HCN1: variants seen among roughly 807,000 people sequenced by gnomAD.
HCN1 encodes the protein potassium/sodium hyperpolarization-activated cyclic nucleotide-gated channel 1.
In HCN1, 13 loss-of-function variants were observed where a neutral mutation model predicts 78.9. That is an observed-to-expected ratio of 0.16 (90% CI 0.11 to 0.26). The LOEUF (loss-of-function observed/expected upper bound fraction) is 0.26, where lower values mean the gene tolerates loss of function less well. HCN1 is among the 10% of genes least tolerant of loss of function. The pLI is 1.00. For missense variants in HCN1, 810 were observed against 1,154.3 expected, an observed-to-expected ratio of 0.70 and a Z score of 4.32; for synonymous variants, 552 against 455.5, an observed-to-expected ratio of 1.21 and a Z score of -2.70.
intron 2 of HCN1, among the ~76,000 whole-genome samples, chr5:45,610,624 C>T (rs1201672915): frequency 6.7e-6 from 1 of 149,462 alleles, no homozygotes; most frequent in Non-Finnish European, 1.5e-5. Flanking sequence ...AAATATTTTT[C>T]TTAATTATTA....
At chr5:45,331,756 T>C (rs1237625695) in intron 5 of HCN1, among the ~76,000 whole-genome samples, 1 of 151,432 alleles carries the variant, frequency 6.6e-6, no homozygotes, top group Non-Finnish European at 1.5e-5. Flanking sequence ...ACACGTGATA[T>C]GCTGTTCTAC....
intron 2 of HCN1, among the ~76,000 whole-genome samples, chr5:45,504,386 T>A (rs1452300519): frequency 6.6e-6 from 1 of 152,168 alleles, no homozygotes; most frequent in Non-Finnish European, 1.5e-5. Context: ...TTGCTGAGAA[T>A]GATGGTTTCC....
intron 2 of HCN1, among the ~76,000 whole-genome samples, chr5:45,608,357 ATGTGTGTGTG>A (rs397970171): frequency 7.8e-5 from 11 of 140,410 alleles, no homozygotes; most frequent in African/African-American, 2.4e-4. Context: ...GGATGGGTGT[ATGTGTGTGTG>A]TGTGTGTGTG....
intron 2 of HCN1, among the ~76,000 whole-genome samples, chr5:45,493,512 C>G (rs1462281761): frequency 6.6e-6 from 1 of 151,582 alleles, no homozygotes; most frequent in African/African-American, 2.4e-5. Flanking sequence ...ATTTTAAGTT[C>G]CTTTTTGTGT....
intron 2 of HCN1, among the ~76,000 whole-genome samples, chr5:45,561,529 C>T (rs1026259891): frequency 6.6e-6 from 1 of 151,404 alleles, no homozygotes; most frequent in Non-Finnish European, 1.5e-5. Flanking sequence ...GATAAAATAC[C>T]TAATTTTATA....
At chr5:45,346,348 C>G (rs1475725386) in intron 5 of HCN1, among the ~76,000 whole-genome samples, 1 of 152,068 alleles carries the variant, frequency 6.6e-6, no homozygotes, top group African/African-American at 2.4e-5. Context: ...AAGGAGAGGG[C>G]AAAGAAGTGT....
intron 2 of HCN1, among the ~76,000 whole-genome samples, chr5:45,593,458 A>C (rs1479866449): frequency 6.6e-6 from 1 of 151,830 alleles, no homozygotes; most frequent in African/African-American, 2.4e-5. Context: ...GGTAGGCCAT[A>C]TTTAGCAAGA....
At chr5:45,328,205 T>A (rs1746273832) in intron 5 of HCN1, among the ~76,000 whole-genome samples, 1 of 151,696 alleles carries the variant, frequency 6.6e-6, no homozygotes, top group Non-Finnish European at 1.5e-5. Flanking sequence ...TAAGCACTTA[T>A]CATGATTGTG....
chr5:45,322,590 T>C (rs756996514), intron 5 of HCN1, among the ~76,000 whole-genome samples: 4 of 151,868 alleles, frequency 2.6e-5, no homozygotes, highest in East Asian at 1.9e-4. Flanking sequence ...ATGTTTCATA[T>C]ATACTTCAAA....
At chr5:45,309,347 A>T (rs886462417) in intron 5 of HCN1, among the ~76,000 whole-genome samples, 7 of 152,084 alleles carry the variant, frequency 4.6e-5, no homozygotes, top group African/African-American at 1.4e-4. Flanking sequence ...TCTTATTTGG[A>T]TGCCCTTTAT....
At chr5:45,352,690 T>A (rs1172988463) in intron 5 of HCN1, among the ~76,000 whole-genome samples, 2 of 151,812 alleles carry the variant, frequency 1.3e-5, no homozygotes, top group Non-Finnish European at 2.9e-5. Context: ...TTGAATGAGA[T>A]AATAGGAAAT....
chr5:45,540,482 C>T (rs896106252), intron 2 of HCN1, among the ~76,000 whole-genome samples: 1 of 151,960 alleles, frequency 6.6e-6, no homozygotes, highest in African/African-American at 2.4e-5. Flanking sequence ...GCACACAACA[C>T]CATGCCTGGC....
intron 2 of HCN1, among the ~76,000 whole-genome samples, chr5:45,501,523 C>T (rs1417150497): frequency 6.6e-6 from 1 of 152,026 alleles, no homozygotes; most frequent in Non-Finnish European, 1.5e-5. Context: ...CAACCTCTGC[C>T]TCCCATGTTC....
chr5:45,669,093 A>C (rs1746103932), intron 1 of HCN1, among the ~76,000 whole-genome samples: 1 of 151,892 alleles, frequency 6.6e-6, no homozygotes, highest in South Asian at 2.1e-4. Flanking sequence ...GTGAACCCAG[A>C]AAAGTTCCAA....
At chr5:45,643,938 G>T (rs1745500829) in intron 2 of HCN1, 2 of 152,104 alleles carry the variant, frequency 1.3e-5, no homozygotes, top group Non-Finnish European at 2.9e-5. Flanking sequence ...AGATGAATCT[G>T]ATTTCTCAAA....
chr5:45,311,476 G>A (rs191727803), intron 5 of HCN1, among the ~76,000 whole-genome samples: 221 of 152,174 alleles, frequency 1.5e-3, no homozygotes, highest in African/African-American at 4.0e-3. Context: ...GATAATTTTT[G>A]CTAATATTTT....
intron 6 of HCN1, among the ~76,000 whole-genome samples, chr5:45,280,750 C>T (rs1745140984): frequency 6.6e-6 from 1 of 152,158 alleles, no homozygotes; most frequent in Non-Finnish European, 1.5e-5. Context: ...TTTTAGATAT[C>T]AAAGCATCTA....
At chr5:45,446,041 T>C (rs549749824) in intron 3 of HCN1, among the ~76,000 whole-genome samples, 8 of 152,302 alleles carry the variant, frequency 5.3e-5, no homozygotes, top group Admixed American at 1.3e-4. Context: ...GGACAGAGAA[T>C]GACTTTGACG....
chr5:45,618,257 G>A (rs1744993716), intron 2 of HCN1, among the ~76,000 whole-genome samples: 2 of 152,036 alleles, frequency 1.3e-5, no homozygotes, highest in Admixed American at 6.6e-5. Context: ...TGTGTGTTGT[G>A]GTGAGGGGTG....
Sources: allele counts gnomAD v4.1 joint callset (sites outside exome capture counted in the v4.1 genomes callset), GRCh38; gene constraint gnomAD v4.1.1; transcripts MANE v1.5; gene names NCBI Gene and HGNC (gene_info 2026-07-23, HGNC 2026-07-21).